The following STAT5B variants were observed in gnomAD, a reference collection of about 807,000 sequenced individuals.
STAT5B encodes the protein transcription factor STAT5B.
STAT5B carries 21 observed loss-of-function variants against 107.8 expected under a neutral mutation model. The observed-to-expected ratio is 0.19, with a 90% CI of 0.14 to 0.28. STAT5B has a LOEUF of 0.28. STAT5B is among the 10% of genes least tolerant of loss of function. The pLI is 1.00. For missense variants in STAT5B, 565 were observed against 1,008.2 expected (o/e 0.56, Z 5.95); for synonymous variants, 325 against 401.7 (o/e 0.81, Z 2.28).
the STAT5B span, among the ~76,000 whole-genome samples, chr17:42,285,829 G>A: frequency 1.3e-5 from 2 of 152,114 alleles, no homozygotes; most frequent in Non-Finnish European, 2.9e-5. Flanking sequence ...GCATCTCAAA[G>A]GGAGAACAGG....
At chr17:42,214,740 T>A in intron 12 of STAT5B, 1 of 832,270 alleles carries the variant, frequency 1.2e-6, no homozygotes, top group Non-Finnish European at 1.4e-6. Context: ...ACAAATGACC[T>A]TTGCCTACTA....
intron 2 of STAT5B, among the ~76,000 whole-genome samples, chr17:42,229,947 T>G (rs1043273290): frequency 6.6e-6 from 1 of 152,190 alleles, no homozygotes; most frequent in African/African-American, 2.4e-5. Flanking sequence ...CAAGTTTTCC[T>G]TAATATCAAC....
At chr17:42,214,828 C>T (rs1000233049) in intron 12 of STAT5B, among the ~76,000 whole-genome samples, 1 of 152,218 alleles carries the variant, frequency 6.6e-6, no homozygotes, top group Non-Finnish European at 1.5e-5. Flanking sequence ...TGGCTCACTG[C>T]AGCCTGGACC....
intron 5 of STAT5B, among the ~76,000 whole-genome samples, chr17:42,222,238 C>T (rs1353475930): frequency 6.6e-6 from 1 of 151,536 alleles, no homozygotes; most frequent in Admixed American, 6.6e-5. Context: ...GGTGGTTGAG[C>T]CAAGGCTTCT....
the STAT5B span, among the ~76,000 whole-genome samples, chr17:42,284,988 G>A: frequency 6.6e-6 from 1 of 152,152 alleles, no homozygotes; most frequent in Non-Finnish European, 1.5e-5. Flanking sequence ...TGTAGTTCAG[G>A]ATACGAATAT....
intron 1 of STAT5B, among the ~76,000 whole-genome samples, chr17:42,259,515 G>T (rs753264902): frequency 6.6e-6 from 1 of 152,100 alleles, no homozygotes; most frequent in African/African-American, 2.4e-5. Flanking sequence ...TGCTGGGCGC[G>T]GTGGCTCACG....
At chr17:42,218,641 G>T in intron 8 of STAT5B, 82 bp downstream of exon 8, 2 of 1,608,950 alleles carry the variant, frequency 1.2e-6, no homozygotes, top group Non-Finnish European at 1.7e-6. Flanking sequence ...TGGATCTGCT[G>T]GTCTGGAAGG....
chr17:42,241,794 A>G (rs770588396), intron 1 of STAT5B, among the ~76,000 whole-genome samples: 8 of 152,192 alleles, frequency 5.3e-5, no homozygotes, highest in Non-Finnish European at 8.8e-5. Flanking sequence ...GCAATAAAGG[A>G]TTAAGACTTC....
intron 1 of STAT5B, among the ~76,000 whole-genome samples, chr17:42,255,008 T>C (rs2080530766): frequency 1.3e-5 from 2 of 152,120 alleles, no homozygotes; most frequent in African/African-American, 4.8e-5. Flanking sequence ...GGAGAACCAC[T>C]TGAACCCAGG....
At chr17:42,237,045 T>A (rs1430977041) in intron 1 of STAT5B, among the ~76,000 whole-genome samples, 1 of 152,190 alleles carries the variant, frequency 6.6e-6, no homozygotes, top group Non-Finnish European at 1.5e-5. Context: ...ACAATCTTAT[T>A]TTTAGGCCAA....
At chr17:42,279,766 A>C (rs1210937039), upstream of STAT5B, among the ~76,000 whole-genome samples, 1 of 147,864 alleles carries the variant, frequency 6.8e-6, no homozygotes, top group African/African-American at 2.5e-5. Flanking sequence ...ACACCATTGC[A>C]CTCCAGCCTG....
rs75416966 is a variant in STAT5B at position 42,204,106 on chromosome 17, G to C, written c.2078-1298C>G. ...AGCACCTGCACGCTCCTTCACGCCT[G>C]GTGTTTCTGCATTTGGGGTACTTTG... is the stretch of plus-strand genomic sequence containing the variant. On this transcript the variant is annotated intron_variant, in intron 16 of 18. Coordinates refer to ENST00000293328, the MANE Select transcript of STAT5B (RefSeq NM_012448.4). 3.3e-3 allele frequency among the ~76,000 whole-genome samples: 508 copies of C among 152,304 alleles called. 2 individuals carry two copies. The highest frequency in any genetic ancestry group is 5.0e-3 in the Non-Finnish European group (340 of 68,024).
Position 42,201,419 on chromosome 17 carries a change from C to T in STAT5B, c.*319G>A. On this transcript the variant is annotated 3_prime_UTR_variant, in exon 19 of 19. Transcript: ENST00000293328. ...CTTCCAGGCTTCACGAAACTCACTGCCTTTTTGCACAAAGTAAAAACCACC... is the reference window on the plus strand; with the variant it reads ...CTTCCAGGCTTCACGAAACTCACTGTCTTTTTGCACAAAGTAAAAACCACC... 1 of 596,360 alleles carries T rather than the reference C, an allele frequency of 1.7e-6. No individual in the cohort carries two copies. Among genetic ancestry groups the T allele is most frequent in the South Asian group, 2.0e-5 (1 of 49,004 alleles). 36.9% of individuals were successfully genotyped at this position (596,360 alleles called of 1,614,324 possible). A position where few individuals can be genotyped will look rare whatever the true frequency, so the allele number is the denominator to read the frequency against.
At chr17:42,210,735 C>A in intron 13 of STAT5B, 1 of 522,434 alleles carries the variant, frequency 1.9e-6, no homozygotes, top group Non-Finnish European at 3.5e-6. Context: ...CAGACACTTT[C>A]ACCTGGGACT....
intron 1 of STAT5B, among the ~76,000 whole-genome samples, chr17:42,254,999 G>A (rs2080530648): frequency 6.6e-6 from 1 of 152,150 alleles, no homozygotes; most frequent in Admixed American, 6.5e-5. Context: ...GCTGAGGCAG[G>A]AGAACCACTT....
At position 42,201,528 on chromosome 17, in the gene STAT5B, A is replaced by G. The variant is rs960963583; in HGVS notation, c.*210T>C. The G allele has an allele frequency of 4.0e-5, 19 of 474,682 alleles. No individual in the cohort carries two copies. Among genetic ancestry groups the G allele is most frequent in the Middle Eastern group, 5.0e-4 (1 of 2,010 alleles). 29.4% of individuals were successfully genotyped at this position (474,682 alleles called of 1,614,324 possible). A position where few individuals can be genotyped will look rare whatever the true frequency, so the allele number is the denominator to read the frequency against. ...AACACCATAACGTGCAAACACGCAC[A>G]CACACACACACACACACACACACAC... On this transcript the variant is annotated 3_prime_UTR_variant, in exon 19 of 19. Coordinates refer to ENST00000293328, the MANE Select transcript of STAT5B (RefSeq NM_012448.4).
chr17:42,240,684 C>T (rs1262584443), intron 1 of STAT5B, among the ~76,000 whole-genome samples: 2 of 152,158 alleles, frequency 1.3e-5, no homozygotes, highest in Non-Finnish European at 2.9e-5. Context: ...GCTCCAGGGT[C>T]GGTCCATACT....
At chr17:42,236,931 T>C (rs533062975) in intron 1 of STAT5B, among the ~76,000 whole-genome samples, 1 of 152,302 alleles carries the variant, frequency 6.6e-6, no homozygotes, top group South Asian at 2.1e-4. Flanking sequence ...TTCTGCTTAT[T>C]TACGGGCAGC....
At chr17:42,228,414 G>T (rs768534096) in intron 2 of STAT5B, among the ~76,000 whole-genome samples, 10 of 151,636 alleles carry the variant, frequency 6.6e-5, no homozygotes, top group Non-Finnish European at 1.5e-4. Flanking sequence ...CTTTCCTTCC[G>T]TTCCTTCCTT....
Sources: gnomAD v4.1 joint callset for allele counts (sites outside exome capture counted in the v4.1 genomes callset) on GRCh38, gnomAD v4.1.1 for gene constraint, MANE v1.5 for transcripts, NCBI Gene and HGNC (gene_info 2026-07-23, HGNC 2026-07-21) for gene names.